The following IARS2 variants were observed in gnomAD, a reference collection of about 807,000 sequenced individuals.
IARS2 encodes isoleucyl-tRNA synthetase 2, mitochondrial.
A neutral mutation model predicts 126.3 loss-of-function variants in IARS2; 56 were observed. That is an observed-to-expected ratio of 0.44 (90% CI 0.36 to 0.55). The LOEUF (loss-of-function observed/expected upper bound fraction) is 0.55. IARS2 is among the 20% of genes least tolerant of loss of function. The probability of loss-of-function intolerance (pLI) is 0.00; values close to 1 mark genes in which losing one functional copy is unlikely to be tolerated. For synonymous variants in IARS2, 407 were observed against 441.1 expected, an observed-to-expected ratio of 0.92 and a Z score of 0.97; for missense variants, 1,127 against 1,245.9, an observed-to-expected ratio of 0.90 and a Z score of 1.44.
chr1:220,114,907 T>G (rs1302789328), intron 12 of IARS2, among the ~76,000 whole-genome samples: 1 of 151,924 alleles, frequency 6.6e-6, no homozygotes, highest in Non-Finnish European at 1.5e-5. Flanking sequence ...TAAATGCACA[T>G]GATTACACTG....
intron 12 of IARS2, 99 bp downstream of exon 12, chr1:220,114,573 T>G: frequency 1.2e-6 from 1 of 829,562 alleles, no homozygotes. Context: ...TTTATATATG[T>G]TAAATAAAAT....
In IARS2 at chr1:220,125,302, C is replaced by A; in HGVS notation, c.1706C>A (p.Pro569His). ...GGCAGTGATATCTGGTGGACTCTTC[C>A]CCCTGAACAACTTCTTCCAAAAGAA... is the stretch of plus-strand genomic sequence containing the variant. ...QHGSDIWWTL[P>H]PEQLLPKEVL... is the part of the protein sequence containing the mutation. Residue 569 changes from proline to histidine, a missense_variant, in exon 13 of 23, where the codon CCC becomes CAC. Coordinates refer to ENST00000366922, the MANE Select transcript of IARS2 (RefSeq NM_018060.4). The A allele has an allele frequency of 1.2e-6, 2 of 1,613,564 alleles. No individual in the cohort carries two copies. The highest frequency in any genetic ancestry group is 8.5e-7 in the Non-Finnish European group (1 of 1,179,622).
chr1:220,114,510 G>A (rs775283835), intron 12 of IARS2, 36 bp downstream of exon 12: 1 of 1,522,086 alleles, frequency 6.6e-7, no homozygotes, highest in Admixed American at 2.0e-5. Flanking sequence ...GTGTTTTAAA[G>A]TGAAATATTT....
chr1:220,098,986 G>A (rs1010755277), intron 2 of IARS2, among the ~76,000 whole-genome samples: 1 of 151,994 alleles, frequency 6.6e-6, no homozygotes, highest in Admixed American at 6.6e-5. Context: ...GCTGAGGCGG[G>A]CAGATCATCA....
At chr1:220,129,945 T>C (rs1417453090) in intron 14 of IARS2, among the ~76,000 whole-genome samples, 1 of 152,254 alleles carries the variant, frequency 6.6e-6, no homozygotes, top group Non-Finnish European at 1.5e-5. Context: ...ATGTTTTTTA[T>C]AATGACTGTA....
At chr1:220,122,422 A>T (rs1279055666) in intron 12 of IARS2, among the ~76,000 whole-genome samples, 1 of 152,204 alleles carries the variant, frequency 6.6e-6, no homozygotes, top group Non-Finnish European at 1.5e-5. Context: ...CCTTTCTGCC[A>T]TTGCTTAGCA....
intron 8 of IARS2, 72 bp from the exon 9 acceptor site, chr1:220,105,819 T>A: frequency 7.8e-7 from 1 of 1,287,122 alleles, no homozygotes; most frequent in Admixed American, 1.7e-5. Flanking sequence ...AACCTGATAC[T>A]CTATTGCTAA....
rs778351851 is a variant in IARS2, at chr1:220,103,537, A to G, written c.1041A>G (p.Thr347=). 6.2e-7 allele frequency: 1 copy of G among 1,610,186 alleles called. No individual in the cohort carries two copies. The highest frequency in any genetic ancestry group is 2.2e-5 in the East Asian group (1 of 44,842). The change falls in exon 8 of 23, where the codon ACA becomes ACG. Residue 347 remains threonine, a synonymous_variant. Coordinates refer to ENST00000366922, the MANE Select transcript of IARS2 (RefSeq NM_018060.4). The part of the protein sequence containing the change: ...VASVASTLET[T]FETISTLSGV... ...CTGTTGCTTCTACTTTGGAAACAAC[A>G]TTTGAGACTATTTCAACACTTTCAG...
chr1:220,138,508 C>A (rs1388020821), intron 17 of IARS2, among the ~76,000 whole-genome samples: 1 of 151,804 alleles, frequency 6.6e-6, no homozygotes, highest in African/African-American at 2.4e-5. Flanking sequence ...TTATTTGTTT[C>A]AAAACATTGG....
intron 10 of IARS2, among the ~76,000 whole-genome samples, chr1:220,110,389 G>A (rs561359158): frequency 6.7e-5 from 10 of 148,924 alleles, no homozygotes; most frequent in African/African-American, 2.0e-4. Context: ...TTTTTGAGAC[G>A]GAGTCTCGCT....
At position 220,100,533 on chromosome 1, in the gene IARS2, C is replaced by T. The variant is rs1226031764; in HGVS notation, c.434C>T (p.Ser145Phe). Residue 145 changes from serine to phenylalanine, a missense_variant, in exon 3 of 23, where the codon TCC becomes TTC. Transcript: ENST00000366922. ...IANRFHMMNG[S>F]KIHFVPGWDC... ...AATCGATTCCATATGATGAATGGCT[C>T]CAAAATACATTTTGTGCCCGGCTGG... 1 of 1,612,896 alleles carries T rather than the reference C, an allele frequency of 6.2e-7. No homozygotes were observed. The highest frequency in any genetic ancestry group is 2.2e-5 in the East Asian group (1 of 44,788).
chr1:220,142,030 G>A (rs770328867), intron 20 of IARS2, 82 bp downstream of exon 20: 1 of 1,345,476 alleles, frequency 7.4e-7, no homozygotes. Context: ...CTTCATAAAA[G>A]GGGCACTTAT....
At chr1:220,140,759 C>T (rs1202486558) in intron 19 of IARS2, among the ~76,000 whole-genome samples, 1 of 151,574 alleles carries the variant, frequency 6.6e-6, no homozygotes, top group Non-Finnish European at 1.5e-5. Flanking sequence ...CCGAGGCGGG[C>T]GGATCACGAG....
chr1:220,147,412 G>T, intron 22 of IARS2, 81 bp from the exon 23 acceptor site: 1 of 1,359,686 alleles, frequency 7.4e-7, no homozygotes, highest in Non-Finnish European at 1.0e-6. Flanking sequence ...GACTGAAAAA[G>T]AAGCCTCTGC....
rs755004683 is a variant in IARS2 at position 220,102,762 on chromosome 1, A to G, written c.935A>G (p.Tyr312Cys). 61 of 1,609,758 alleles carry G rather than the reference A, an allele frequency of 3.8e-5. No individual in the cohort carries two copies. Among genetic ancestry groups the G allele is most frequent in the Non-Finnish European group, 4.9e-5 (58 of 1,176,184 alleles). Reference sequence around the variant, plus strand: ...ATTCCAGCCAATGAAGCTGTTTGCTATATGCCTGAATCAAAGTGGGTATAT... The same window carrying G: ...ATTCCAGCCAATGAAGCTGTTTGCTGTATGCCTGAATCAAAGTGGGTATAT... ...WTIPANEAVC[Y>C]MPESKYAVVK... The change falls in exon 7 of 23, where the codon TAT becomes TGT. Residue 312 changes from tyrosine (Y) to cysteine (C), a missense_variant. Transcript: ENST00000366922.
At chr1:220,138,268 C>T (rs1299969601) in intron 17 of IARS2, among the ~76,000 whole-genome samples, 4 of 151,974 alleles carry the variant, frequency 2.6e-5, no homozygotes, top group African/African-American at 7.2e-5. Context: ...GTCAGGAGTT[C>T]GAGACTAGCC....
chr1:220,125,950 C>A (rs1189856331), intron 13 of IARS2, among the ~76,000 whole-genome samples: 3 of 150,336 alleles, frequency 2.0e-5, no homozygotes, highest in African/African-American at 4.9e-5. Context: ...ACTAAAAATA[C>A]AAAAAAATTA....
chr1:220,113,160 C>T (rs908470542), intron 11 of IARS2, among the ~76,000 whole-genome samples: 3 of 152,088 alleles, frequency 2.0e-5, no homozygotes, highest in Non-Finnish European at 2.9e-5. Flanking sequence ...CCACCATGCT[C>T]GGCCAAACTC....
intron 14 of IARS2, among the ~76,000 whole-genome samples, chr1:220,132,876 A>G (rs960269124): frequency 6.6e-5 from 10 of 151,278 alleles, no homozygotes; most frequent in African/African-American, 2.2e-4. Flanking sequence ...CTTCTTTTCT[A>G]TTTTCTTAGT....
Sources: allele counts gnomAD v4.1 joint callset (sites outside exome capture counted in the v4.1 genomes callset), GRCh38; gene constraint gnomAD v4.1.1; transcripts MANE v1.5; gene names NCBI Gene and HGNC (gene_info 2026-07-23, HGNC 2026-07-21).